Variants in TP63 observed in about 807,000 individuals in gnomAD.
The protein encoded by TP63 is tumor protein p63.
Under a neutral mutation model 82.8 loss-of-function variants are expected in TP63, and 17 were observed. The ratio of observed to expected loss-of-function variants is 0.21; its 90% CI spans 0.14 to 0.31. The LOEUF (loss-of-function observed/expected upper bound fraction) is 0.31. TP63 is among the 10% of genes least tolerant of loss of function. The pLI, the probability that TP63 is intolerant of heterozygous loss-of-function variation, is 1.00. For missense variants in TP63, 648 were observed against 895.3 expected, an observed-to-expected ratio of 0.72 and a Z score of 3.52; for synonymous variants, 330 against 321.7, an observed-to-expected ratio of 1.03 and a Z score of -0.28.
At chr3:189,764,892 G>A (rs565397056) in intron 3 of TP63, among the ~76,000 whole-genome samples, 59 of 152,178 alleles carry the variant, frequency 3.9e-4, no homozygotes, top group East Asian at 1.7e-3. Flanking sequence ...GGAATGGAGC[G>A]CACTTTGTTC....
chr3:189,806,020 A>C (rs1401226227), intron 3 of TP63, among the ~76,000 whole-genome samples: 2 of 147,128 alleles, frequency 1.4e-5, no homozygotes, highest in Admixed American at 1.4e-4. Flanking sequence ...AACCCACCCA[A>C]TAAACAACAG....
chr3:189,873,177 C>G (rs993270605), intron 10 of TP63, 182 bp downstream of exon 10: 3 of 802,070 alleles, frequency 3.7e-6, no homozygotes, highest in Non-Finnish European at 4.1e-6. Flanking sequence ...CTTATTATAA[C>G]CTTCCCTTCA....
intron 3 of TP63, among the ~76,000 whole-genome samples, chr3:189,797,262 A>G (rs1361827948): frequency 6.6e-6 from 1 of 152,100 alleles, no homozygotes; most frequent in African/African-American, 2.4e-5. Flanking sequence ...TGGAAACACT[A>G]CAAAAGAAAT....
intron 4 of TP63, among the ~76,000 whole-genome samples, chr3:189,839,861 C>T (rs80220971): frequency 0.027 from 4,124 of 152,282 alleles, 79 homozygotes; most frequent in Middle Eastern, 0.044. Context: ...GAGAACTGTC[C>T]TCTTTTTCAG....
intron 4 of TP63, among the ~76,000 whole-genome samples, chr3:189,862,050 G>A (rs553858454): frequency 1.1e-3 from 161 of 152,250 alleles, no homozygotes; most frequent in African/African-American, 3.2e-3. Flanking sequence ...CCCAGGTTTC[G>A]TAGTCATTTA....
At chr3:189,796,059 C>T (rs1725668597) in intron 3 of TP63, among the ~76,000 whole-genome samples, 1 of 151,982 alleles carries the variant, frequency 6.6e-6, no homozygotes, top group Admixed American at 6.6e-5. Flanking sequence ...GACCAGAAGT[C>T]TTTTCTCTGG....
At chr3:189,848,461 C>T (rs912032775) in intron 4 of TP63, among the ~76,000 whole-genome samples, 7 of 151,528 alleles carry the variant, frequency 4.6e-5, no homozygotes, top group African/African-American at 1.7e-4. Flanking sequence ...TCAAGCAATA[C>T]TCCTGCCTAG....
chr3:189,702,955 C>T (rs1717921587), intron 1 of TP63, among the ~76,000 whole-genome samples: 1 of 152,206 alleles, frequency 6.6e-6, no homozygotes, highest in Non-Finnish European at 1.5e-5. Flanking sequence ...AGGCATTGTG[C>T]AATGTACCTC....
chr3:189,635,383 A>T (rs1183811504), intron 1 of TP63, among the ~76,000 whole-genome samples: 3 of 152,158 alleles, frequency 2.0e-5, no homozygotes, highest in Non-Finnish European at 4.4e-5. Context: ...AGGCAGATGC[A>T]GCTCTGTGTT....
Position 189,895,339 on chromosome 3 carries a change from A to G in TP63, c.*837A>G, listed in dbSNP as rs1721390151. On this transcript the variant is annotated 3_prime_UTR_variant, in exon 14 of 14. Transcript: ENST00000264731. ...AGCCAGTTCAAAAACACCCGACGTC[A>G]TGTATTTGAGCATATCAGTAACCCC... 4.6e-6 allele frequency: 1 copy of G among 218,828 alleles called. No homozygotes were observed. The highest frequency in any genetic ancestry group is 2.2e-5 in the African/African-American group (1 of 44,578). 13.6% of individuals were successfully genotyped at this position (218,828 alleles called of 1,614,324 possible).
intron 3 of TP63, among the ~76,000 whole-genome samples, chr3:189,750,466 A>G (rs1721724274): frequency 6.6e-6 from 1 of 152,216 alleles, no homozygotes; most frequent in Non-Finnish European, 1.5e-5. Context: ...TACATAAAGG[A>G]GAGGACTTGA....
intron 3 of TP63, among the ~76,000 whole-genome samples, chr3:189,803,361 A>G (rs1726521658): frequency 6.6e-6 from 1 of 152,260 alleles, no homozygotes; most frequent in Non-Finnish European, 1.5e-5. Flanking sequence ...AACACAAATT[A>G]TAGGTAAATA....
At chr3:189,806,492 G>C (rs1287586314) in intron 3 of TP63, among the ~76,000 whole-genome samples, 1 of 152,238 alleles carries the variant, frequency 6.6e-6, no homozygotes, top group Non-Finnish European at 1.5e-5. Flanking sequence ...TTCCGAGGCT[G>C]TTGCCTCAGG....
Position 189,894,645 on chromosome 3 carries a change from C to A in TP63, c.*143C>A. Reference sequence around the variant, plus strand: ...AGGGGAAGGAGAAGTAAGAGGCTACCTCTTACCTAACATCTGACCTGGCAT... The same window carrying A: ...AGGGGAAGGAGAAGTAAGAGGCTACATCTTACCTAACATCTGACCTGGCAT... On this transcript the variant is annotated 3_prime_UTR_variant, in exon 14 of 14. Transcript: ENST00000264731. 1.0e-6 allele frequency: 1 copy of A among 986,604 alleles called. No homozygotes were observed. The highest frequency in any genetic ancestry group is 1.5e-6 in the Non-Finnish European group (1 of 667,910). 61.1% of individuals were successfully genotyped at this position (986,604 alleles called of 1,614,324 possible).
intron 1 of TP63, among the ~76,000 whole-genome samples, chr3:189,667,568 G>A (rs1294989203): frequency 1.3e-5 from 2 of 152,032 alleles, no homozygotes; most frequent in African/African-American, 4.8e-5. Flanking sequence ...GCTCTTGTAG[G>A]GTGTCTGGCT....
chr3:189,613,893 A>C, the TP63 span, among the ~76,000 whole-genome samples: 1 of 152,174 alleles, frequency 6.6e-6, no homozygotes, highest in Non-Finnish European at 1.5e-5. Context: ...TATTTGGAAC[A>C]GCTGTATTTT....
intron 5 of TP63, 84 bp from the exon 6 acceptor site, chr3:189,866,598 C>A (rs554136722): frequency 7.9e-7 from 1 of 1,262,646 alleles, no homozygotes; most frequent in East Asian, 2.5e-5. Flanking sequence ...CTTTTGCCAC[C>A]AACATCCTGT....
chr3:189,704,466 G>A (rs1718053038), intron 1 of TP63, among the ~76,000 whole-genome samples: 1 of 152,060 alleles, frequency 6.6e-6, no homozygotes, highest in Non-Finnish European at 1.5e-5. Context: ...AGGATCTCAG[G>A]GAAACATACC....
intron 4 of TP63, among the ~76,000 whole-genome samples, chr3:189,849,411 G>A (rs1444752264): frequency 3.3e-5 from 5 of 152,066 alleles, no homozygotes; most frequent in South Asian, 2.1e-4. Context: ...ACAGATCTCC[G>A]GGTAGACAGT....
Sources: allele counts gnomAD v4.1 joint callset (sites outside exome capture counted in the v4.1 genomes callset), GRCh38; gene constraint gnomAD v4.1.1; transcripts MANE v1.5; gene names NCBI Gene and HGNC (gene_info 2026-07-23, HGNC 2026-07-21).